PTPN3: variants seen among roughly 807,000 people sequenced by gnomAD.
PTPN3 encodes protein tyrosine phosphatase non-receptor type 3.
Under a neutral mutation model 132.7 loss-of-function variants are expected in PTPN3, and 96 were observed. The observed-to-expected ratio is 0.72, with a 90% CI of 0.61 to 0.86. The LOEUF is 0.86. PTPN3 is among the 40% of genes least tolerant of loss of function. The pLI is 0.00. For synonymous variants in PTPN3, 398 were observed against 429.0 expected (o/e 0.93, Z 0.89); for missense variants, 1,125 against 1,159.6 (o/e 0.97, Z 0.43).
intron 1 of PTPN3, among the ~76,000 whole-genome samples, chr9:109,486,593 A>G (rs1256571997): frequency 6.6e-6 from 1 of 152,056 alleles, no homozygotes; most frequent in Non-Finnish European, 1.5e-5. Context: ...GGCATTTTTA[A>G]GAAAGAAGGT....
chr9:109,488,665 G>A (rs1847324059), intron 1 of PTPN3, among the ~76,000 whole-genome samples: 2 of 152,278 alleles, frequency 1.3e-5, no homozygotes, highest in South Asian at 4.1e-4. Flanking sequence ...AATCCAGGAA[G>A]GCAAGGTTTG....
chr9:109,450,329 C>G (rs1324346720), intron 5 of PTPN3: 3 of 985,214 alleles, frequency 3.0e-6, no homozygotes, highest in African/African-American at 1.7e-5. Flanking sequence ...TCCAAGCTGA[C>G]ATTCAACCAG....
rs374209870 is a variant in PTPN3, at chr9:109,382,329, T to C, written c.2501A>G (p.Asp834Gly). Residue 834 changes from aspartate to glycine, a missense_variant, in exon 24 of 26, where the codon GAC (aspartate) becomes GGC (glycine). Transcript: ENST00000374541. ...GCAGTGAACTAGGACGGGCTCGCTGTCCACTCTCAGAGACCTCACATAGTT... is the reference window on the plus strand; with the variant it reads ...GCAGTGAACTAGGACGGGCTCGCTGCCCACTCTCAGAGACCTCACATAGTT... The part of the protein sequence containing the change: ...FVNYVRSLRV[D>G]SEPVLVHCSA... 2 of 1,614,056 alleles carry C rather than the reference T, an allele frequency of 1.2e-6. No individual in the cohort carries two copies. Among genetic ancestry groups the C allele is most frequent in the African/African-American group, 1.3e-5 (1 of 75,048 alleles).
At chr9:109,386,188 C>T (rs1230537955) in intron 22 of PTPN3, among the ~76,000 whole-genome samples, 1 of 152,134 alleles carries the variant, frequency 6.6e-6, no homozygotes. Context: ...CTCGGGTCAT[C>T]TGGTCATCCA....
rs1041520147 is a variant in PTPN3 at position 109,498,169 on chromosome 9, G to A, written c.-18+50C>T. ...GGCGCCGAGCGCGACCCCGGCCCCCGGCAGCCCCGCACCCTGCCCCCGGCC... is the reference window on the plus strand; with the variant it reads ...GGCGCCGAGCGCGACCCCGGCCCCCAGCAGCCCCGCACCCTGCCCCCGGCC... On this transcript the variant is annotated intron_variant, in intron 1 of 25. Coordinates refer to ENST00000374541, the MANE Select transcript of PTPN3 (RefSeq NM_002829.4). The surrounding 1 kb of genome is among the most constrained non-coding windows in gnomAD (Gnocchi z 4.2). 1.4e-5 allele frequency: 2 copies of A among 146,274 alleles called. No homozygotes were observed. The highest frequency in any genetic ancestry group is 4.9e-5 in the African/African-American group (2 of 40,820). 9.1% of individuals were successfully genotyped at this position (146,274 alleles called of 1,614,324 possible).
chr9:109,413,515 G>C (rs1842240527), intron 14 of PTPN3, among the ~76,000 whole-genome samples: 1 of 152,216 alleles, frequency 6.6e-6, no homozygotes, highest in South Asian at 2.1e-4. Flanking sequence ...TCTGTCGCTG[G>C]GCAGAATGCA....
chr9:109,527,003 A>G, the PTPN3 span, among the ~76,000 whole-genome samples: 1 of 152,246 alleles, frequency 6.6e-6, no homozygotes, highest in Non-Finnish European at 1.5e-5. Context: ...ATACACAAAA[A>G]GTCATAATGA....
At chr9:109,449,538 C>G in intron 5 of PTPN3, 1 of 985,556 alleles carries the variant, frequency 1.0e-6, no homozygotes, top group Non-Finnish European at 1.2e-6. Flanking sequence ...GGCCCCTCAG[C>G]CTGTGACTTT....
upstream of PTPN3, among the ~76,000 whole-genome samples, chr9:109,501,551 T>C (rs1290358303): frequency 6.6e-6 from 1 of 152,228 alleles, no homozygotes; most frequent in Admixed American, 6.5e-5. Context: ...GTCTATCCTT[T>C]TAAGCTGTTG....
chr9:109,443,101 G>T (rs1247813222), intron 7 of PTPN3, among the ~76,000 whole-genome samples: 2 of 148,116 alleles, frequency 1.4e-5, no homozygotes, highest in African/African-American at 5.0e-5. Context: ...TTTGAGACAG[G>T]GTATCACTCT....
chr9:109,408,188 A>G lies in PTPN3; in HGVS notation c.1635+133T>C, dbSNP rs146570841. The stretch of plus-strand genomic sequence containing the variant: ...ACCACACTGAGCCGCAAGGTTATAG[A>G]AAACATGGTGATGTATATCTAAGCA... On this transcript the variant is annotated intron_variant, in intron 17 of 25. Transcript: ENST00000374541. The G allele has an allele frequency of 4.0e-4, 250 of 631,184 alleles. 1 individual carries two copies. The African/African-American group carries it at 4.2e-3, about 10-fold the overall frequency. 39.1% of individuals were successfully genotyped at this position (631,184 alleles called of 1,614,324 possible).
intron 10 of PTPN3, among the ~76,000 whole-genome samples, chr9:109,431,854 CCT>C (rs972119912): frequency 4.6e-5 from 7 of 152,044 alleles, no homozygotes; most frequent in African/African-American, 7.2e-5. Flanking sequence ...CTTCTTTGTA[CCT>C]CTGTTTCCTC....
intron 1 of PTPN3, among the ~76,000 whole-genome samples, chr9:109,464,381 A>C (rs1845993791): frequency 6.6e-6 from 1 of 152,200 alleles, no homozygotes; most frequent in South Asian, 2.1e-4. Context: ...AGAAGGGAGC[A>C]ATAGCTACCA....
In PTPN3 at chr9:109,436,883, C is replaced by T. The variant is rs1844092496; in HGVS notation, c.675G>A (p.Arg225=). 1 of 1,613,194 alleles carries T rather than the reference C, an allele frequency of 6.2e-7. No individual in the cohort carries two copies. The highest frequency in any genetic ancestry group is 8.5e-7 in the Non-Finnish European group (1 of 1,179,656). ...DFYGVELHSG[R]DLHNLDLMIG... Reference sequence around the variant, plus strand: ...GCCAAGACATAACAAGAATACATACCCTACCACTGTGCAGTTCTACTCCAT... The same window carrying T: ...GCCAAGACATAACAAGAATACATACTCTACCACTGTGCAGTTCTACTCCAT... The change falls in exon 9 of 26, where the codon AGG becomes AGA. Residue 225 remains arginine, a splice_region_variant and synonymous_variant. Transcript: ENST00000374541.
the PTPN3 span, among the ~76,000 whole-genome samples, chr9:109,503,456 G>A: frequency 2.6e-5 from 4 of 152,126 alleles, no homozygotes; most frequent in Admixed American, 2.6e-4. Context: ...TGTAATCCCA[G>A]CACTTTGGGA....
intron 7 of PTPN3, 151 bp downstream of exon 7, chr9:109,445,089 G>A (rs1037698206): frequency 1.4e-6 from 1 of 716,632 alleles, no homozygotes; most frequent in African/African-American, 1.8e-5. Flanking sequence ...GCCAGTCTGA[G>A]TAGAAACACA....
At chr9:109,454,684 C>T (rs1035915415) in intron 4 of PTPN3, 110 bp from the exon 5 acceptor site, 2 of 813,872 alleles carry the variant, frequency 2.5e-6, no homozygotes, top group Admixed American at 2.3e-5. Flanking sequence ...ATAGCTTTTT[C>T]CATTATAAAA....
chr9:109,432,548 T>C (rs1843738708), intron 10 of PTPN3, among the ~76,000 whole-genome samples: 1 of 152,070 alleles, frequency 6.6e-6, no homozygotes, highest in Non-Finnish European at 1.5e-5. Context: ...CAAACTTCTC[T>C]CCAAAATTCA....
Position 109,410,405 on chromosome 9 carries a change from C to G in PTPN3, c.1324G>C (p.Glu442Gln), listed in dbSNP as rs141809051. The G allele has an allele frequency of 2.5e-6, 4 of 1,613,812 alleles. No individual in the cohort carries two copies. In the African/African-American group the frequency reaches 5.3e-5, roughly 22 times the overall value. The change falls in exon 15 of 26, where the codon GAG becomes CAG. Residue 442 changes from glutamate (E) to glutamine (Q), a missense_variant. By Grantham distance (29) the Glu-to-Gln change is conservative. Coordinates refer to ENST00000374541, the MANE Select transcript of PTPN3 (RefSeq NM_002829.4). The part of the protein sequence containing the change: ...NRSPHQESLS[E>Q]NNPAQSYLTQ... ...AGGTAGCTTTGTGCCGGATTGTTCT[C>G]GGATAAACTCCTTCATCATGGGGAA...
Sources: gnomAD v4.1 joint callset for allele counts (sites outside exome capture counted in the v4.1 genomes callset) on GRCh38, gnomAD v4.1.1 for gene constraint, Gnocchi (gnomAD v3.1) non-coding constraint, MANE v1.5 for transcripts, NCBI Gene and HGNC (gene_info 2026-07-23, HGNC 2026-07-21) for gene names.